EPN3: variants seen among roughly 807,000 people sequenced by gnomAD.
EPN3 encodes the protein epsin-3.
Under a neutral mutation model 55.5 loss-of-function variants are expected in EPN3, and 56 were observed. The observed-to-expected ratio is 1.01, with a 90% confidence interval of 0.81 to 1.26. EPN3 has a LOEUF of 1.26. Ranked by LOEUF, EPN3 falls within the 50% of genes most tolerant of loss-of-function variation. The pLI is 0.00. For synonymous variants in EPN3, 449 were observed against 375.2 expected (o/e 1.20, Z -2.27); for missense variants, 927 against 853.4 (o/e 1.09, Z -1.07).
At position 50,540,276 on chromosome 17, in the gene EPN3, C is replaced by G; in HGVS notation, c.921C>G (p.Phe307Leu). 6.2e-7 allele frequency: 1 copy of G among 1,612,752 alleles called. No individual in the cohort carries two copies. The highest frequency in any genetic ancestry group is 1.3e-5 in the African/African-American group (1 of 75,028). ...QSSILDLADI[F>L]VPALAPPSTH... ...CCATCCTGGACTTGGCTGACATCTTCGTACCTGCCCTGGCCCCGCCCTCCA... is the reference window on the plus strand; with the variant it reads ...CCATCCTGGACTTGGCTGACATCTTGGTACCTGCCCTGGCCCCGCCCTCCA... The change falls in exon 6 of 10, where the codon TTC becomes TTG. Residue 307 changes from phenylalanine to leucine, a missense_variant. Phe to Leu is a conservative substitution (Grantham distance 22). Transcript: ENST00000268933.
intron 7 of EPN3, 25 bp from the exon 8 acceptor site, chr17:50,541,204 C>T (rs2144039228): frequency 1.9e-6 from 3 of 1,613,056 alleles, no homozygotes; most frequent in Non-Finnish European, 2.5e-6. Context: ...GTCAACCCAT[C>T]TCCTCTTCCT....
In EPN3 at chr17:50,542,017, C is replaced by A. The variant is rs1470727650; in HGVS notation, c.1759C>A (p.Pro587Thr). Residue 587 changes from proline to threonine, a missense_variant, in exon 10 of 10, where the codon CCA (proline) becomes ACA (threonine). Pro to Thr is a conservative substitution (Grantham distance 38, BLOSUM62 -1). Coordinates refer to ENST00000268933, the MANE Select transcript of EPN3 (RefSeq NM_017957.3). ...ASLPLPLSSV[P>T]AGLTLPASVS... ...TCTGCCCCTCCCGCTCAGCAGCGTGCCAGCTGGCTTGACCCTCCCCGCCTC... is the reference window on the plus strand; with the variant it reads ...TCTGCCCCTCCCGCTCAGCAGCGTGACAGCTGGCTTGACCCTCCCCGCCTC... The A allele has an allele frequency of 1.9e-6, 3 of 1,597,756 alleles. No homozygotes were observed. The highest frequency in any genetic ancestry group is 2.5e-6 in the Non-Finnish European group (3 of 1,178,770).
At chr17:50,539,008 CTGG>C in intron 4 of EPN3, 44 bp downstream of exon 4, 1 of 1,520,202 alleles carries the variant, frequency 6.6e-7, no homozygotes, top group African/African-American at 1.4e-5. Flanking sequence ...GCTGCTGCTG[CTGG>C]TGGAGGTGCT....
chr17:50,541,101 G>T, intron 7 of EPN3, 39 bp downstream of exon 7: 1 of 1,569,886 alleles, frequency 6.4e-7, no homozygotes, highest in South Asian at 1.2e-5. Context: ...AGGAGCTGGG[G>T]GACTTCCAGG....
chr17:50,533,069 T>G (rs2034697763), intron 1 of EPN3, 84 bp downstream of exon 1: 4 of 863,110 alleles, frequency 4.6e-6, no homozygotes, highest in African/African-American at 1.8e-5. Context: ...GTTCTGGGGC[T>G]TAGTCTCTTT....
At chr17:50,533,349 G>A (rs1183868480) in intron 1 of EPN3, among the ~76,000 whole-genome samples, 1 of 152,142 alleles carries the variant, frequency 6.6e-6, no homozygotes. Context: ...CTCCCGGGAT[G>A]CAGCTATTAC....
intron 1 of EPN3, among the ~76,000 whole-genome samples, chr17:50,534,122 CTCT>C (rs1435439912): frequency 2.2e-4 from 33 of 149,690 alleles, no homozygotes. Context: ...CTCCTCCCTT[CTCT>C]GCGCTTGGGC....
chr17:50,537,577 C>T (rs1035099354), intron 2 of EPN3: 2 of 199,882 alleles, frequency 1.0e-5, no homozygotes, highest in African/African-American at 2.3e-5. Context: ...CCTTCATCCC[C>T]CTACCTGAGG....
Position 50,542,328 on chromosome 17 carries a change from A to G in EPN3, c.*171A>G, listed in dbSNP as rs2034862544. 1.6e-6 allele frequency: 1 copy of G among 621,746 alleles called. No homozygotes were observed. The highest frequency in any genetic ancestry group is 4.8e-4 in the Middle Eastern group (1 of 2,094). 38.5% of individuals were successfully genotyped at this position (621,746 alleles called of 1,614,324 possible). A position where few individuals can be genotyped will look rare whatever the true frequency, so the allele number is the denominator to read the frequency against. ...GCGGACCACGGCCCGGGAGCTAGAA[A>G]CTGAACGCCCGCATAATAAAGACTG... On this transcript the variant is annotated 3_prime_UTR_variant, in exon 10 of 10. Coordinates refer to ENST00000268933, the MANE Select transcript of EPN3 (RefSeq NM_017957.3).
At position 50,540,943 on chromosome 17, in the gene EPN3, C is replaced by A. The variant is rs1405824426; in HGVS notation, c.1130C>A (p.Pro377Gln). 1 of 1,613,826 alleles carries A rather than the reference C, an allele frequency of 6.2e-7. No individual in the cohort carries two copies. The highest frequency in any genetic ancestry group is 1.7e-5 in the Admixed American group (1 of 60,028). Residue 377 changes from proline to glutamine, a missense_variant, in exon 7 of 10, where the codon CCA becomes CAA. Pro to Gln is a moderately conservative substitution (Grantham distance 76). Transcript: ENST00000268933. ...TCCTCTGAGCCCTGGGGCAGGACCC[C>A]AGTGCTGCCTGCTGGGCCCCCCACC... is the stretch of plus-strand genomic sequence containing the variant. ...LSSSEPWGRTPVLPAGPPTTD... is the reference protein window; with the variant it reads ...LSSSEPWGRTQVLPAGPPTTD...
rs755046 is a variant in EPN3 at position 50,532,911 on chromosome 17, G to T, written c.-211G>T. 1.0e-5 allele frequency: 13 copies of T among 1,284,064 alleles called. No homozygotes were observed. Among genetic ancestry groups the T allele is most frequent in the South Asian group, 3.7e-5 (3 of 80,542 alleles). The allele number at this position is 1,284,064 out of a possible 1,614,324, so 79.5% of individuals were successfully genotyped here. ...GACGCTCCCGAGGCTGTGCCGTCCC[G>T]CTGCTGCACAGGTCGGAGGGTCACC... On this transcript the variant is annotated 5_prime_UTR_variant, in exon 1 of 10. Coordinates refer to ENST00000268933, the MANE Select transcript of EPN3 (RefSeq NM_017957.3).
chr17:50,538,453 A>G, intron 3 of EPN3: 1 of 525,550 alleles, frequency 1.9e-6, no homozygotes, highest in Non-Finnish European at 3.4e-6. Flanking sequence ...GGTGCCTGCT[A>G]CCACCTCATG....
At position 50,542,576 on chromosome 17, in the gene EPN3, C is replaced by T. The variant is rs1374293757; in HGVS notation, c.*419C>T. ...CTGCCAGGCTGTCACTCAATTCGGT[C>T]ATTTCATTCATTTATCACACATGGG... On this transcript the variant is annotated 3_prime_UTR_variant, in exon 10 of 10. Transcript: ENST00000268933. 1.0e-5 allele frequency: 2 copies of T among 194,718 alleles called. No homozygotes were observed. Among genetic ancestry groups the T allele is most frequent in the Non-Finnish European group, 2.1e-5 (2 of 97,500 alleles). The allele number at this position is 194,718 out of a possible 1,614,324, so 12.1% of individuals were successfully genotyped here.
At position 50,538,062 on chromosome 17, in the gene EPN3, C is replaced by CATG; in HGVS notation, c.563-13_563-11dup. The CATG allele has an allele frequency of 6.3e-7, 1 of 1,597,192 alleles. No individual in the cohort carries two copies. Among genetic ancestry groups the CATG allele is most frequent in the Non-Finnish European group, 8.6e-7 (1 of 1,164,960 alleles). ...ATGGGTAATCGTGTGGTCACAGAGA[C>CATG]ATGATGGTCATTGCAGCCTCCTCTT... On this transcript the variant is annotated splice_polypyrimidine_tract_variant and intron_variant, in intron 2 of 9. Transcript: ENST00000268933.
In EPN3 at chr17:50,540,915, T is replaced by C; in HGVS notation, c.1102T>C (p.Ser368Pro). ...SQPWDLTPML[S>P]SSEPWGRTPV... ...GCCCTGGGATCTGACTCCCATGCTC[T>C]CCTCCTCTGAGCCCTGGGGCAGGAC... is the stretch of plus-strand genomic sequence containing the variant. The change falls in exon 7 of 10, where the codon TCC becomes CCC. Residue 368 changes from serine to proline, a missense_variant. By Grantham distance (74) the Ser-to-Pro change is moderately conservative. Transcript: ENST00000268933. 1 of 1,614,072 alleles carries C rather than the reference T, an allele frequency of 6.2e-7. No individual in the cohort carries two copies. The highest frequency in any genetic ancestry group is 8.5e-7 in the Non-Finnish European group (1 of 1,180,008).
intron 7 of EPN3, 30 bp downstream of exon 7, chr17:50,541,092 G>C: frequency 6.4e-7 from 1 of 1,568,288 alleles, no homozygotes; most frequent in Non-Finnish European, 8.6e-7. Flanking sequence ...GTGTGAGTGA[G>C]GAGCTGGGGG....
At position 50,543,035 on chromosome 17, in the gene EPN3, A is replaced by G. The variant is rs2034869691; in HGVS notation, c.*878A>G. The G allele has an allele frequency of 6.6e-6, 1 of 152,402 alleles. No individual in the cohort carries two copies. The highest frequency in any genetic ancestry group is 2.1e-4 in the South Asian group (1 of 4,828). The allele number at this position is 152,402 out of a possible 1,614,324, so 9.4% of individuals were successfully genotyped here. On this transcript the variant is annotated 3_prime_UTR_variant, in exon 10 of 10. Transcript: ENST00000268933. ...TCTGGCTCCAAGGCCTGGAGATCCC[A>G]GGCTGGGCCCCAGATTTAATTCAGC... is the stretch of plus-strand genomic sequence containing the variant.
In EPN3 at chr17:50,533,745, C is replaced by T. The variant is rs139198270; in HGVS notation, c.-137+760C>T. On this transcript the variant is annotated intron_variant, in intron 1 of 9. Coordinates refer to ENST00000268933, the MANE Select transcript of EPN3 (RefSeq NM_017957.3). Reference sequence around the variant, plus strand: ...AGGAGAGAGCTGATACTCCGTGCCCCGTGGCCCATCCCACCGCCTGCTGGC... The same window carrying T: ...AGGAGAGAGCTGATACTCCGTGCCCTGTGGCCCATCCCACCGCCTGCTGGC... Among the ~76,000 whole-genome samples, 9 of 152,120 alleles carry T rather than the reference C, an allele frequency of 5.9e-5. No homozygotes were observed. In the South Asian group the frequency reaches 1.2e-3, roughly 21 times the overall value.
At chr17:50,541,427 C>T (rs1437830859) in intron 8 of EPN3, 37 bp from the exon 9 acceptor site, 3 of 1,610,836 alleles carry the variant, frequency 1.9e-6, no homozygotes, top group African/African-American at 1.3e-5. Context: ...GCGCCAATCC[C>T]TTTCCCCACC....
Sources: gnomAD v4.1 joint callset for allele counts (sites outside exome capture counted in the v4.1 genomes callset) on GRCh38, gnomAD v4.1.1 for gene constraint, MANE v1.5 for transcripts, NCBI Gene and HGNC (gene_info 2026-07-23, HGNC 2026-07-21) for gene names.